Variants in FCER2 observed in about 807,000 individuals in gnomAD.
FCER2 encodes low affinity immunoglobulin epsilon Fc receptor.
Under a neutral mutation model 49.7 loss-of-function variants are expected in FCER2, and 38 were observed. The ratio of observed to expected loss-of-function variants is 0.76; its 90% CI spans 0.59 to 1.00. The LOEUF (loss-of-function observed/expected upper bound fraction) is 1.00, where lower values mean the gene tolerates loss of function less well. Ranked by LOEUF, FCER2 falls within the 50% of genes least tolerant of loss-of-function variation. The pLI is 0.00. For synonymous variants in FCER2, 163 were observed against 164.6 expected (o/e 0.99, Z 0.07); for missense variants, 425 against 419.5 (o/e 1.01, Z -0.11).
chr19:7,698,316 A>C, intron 4 of FCER2, 40 bp downstream of exon 4: 2 of 1,461,026 alleles, frequency 1.4e-6, no homozygotes, highest in Non-Finnish European at 1.9e-6. Flanking sequence ...TGGGCATCCT[A>C]ACCCTCACCC....
chr19:7,696,898 G>C lies in FCER2; in HGVS notation c.396C>G (p.Asn132Lys), dbSNP rs780944986. The C allele has an allele frequency of 6.3e-7, 1 of 1,582,984 alleles. No homozygotes were observed. Among genetic ancestry groups the C allele is most frequent in the East Asian group, 2.3e-5 (1 of 43,846 alleles). The change falls in exon 8 of 11, where the codon AAC becomes AAG. Residue 132 changes from asparagine (N) to lysine (K), a missense_variant. Coordinates refer to ENST00000597921, the MANE Select transcript of FCER2 (RefSeq NM_001220500.2). ...GTCTTTCCAGCAAATCTGAAGCTTC[G>C]TTCCTCTCGTTCAATTCTTGGGGAG... ...SFKSQELNER[N>K]EASDLLERLR...
Position 7,690,197 on chromosome 19 carries a change from C to T in FCER2, c.690G>A (p.Gly230=), listed in dbSNP as rs1042429. Residue 230 remains glycine, a synonymous_variant, in exon 10 of 11, where the codon GGG becomes GGA. Transcript: ENST00000597921. Reference sequence around the variant, plus strand: ...GGCTCCCATCCACCCAGATAAACTCCCCCTTCAGGTCCAAGTTCCGAAGGC... The same window carrying T: ...GGCTCCCATCCACCCAGATAAACTCTCCCTTCAGGTCCAAGTTCCGAAGGC... ...WIGLRNLDLK[G]EFIWVDGSHV... is the part of the protein sequence containing the mutation. 17,197 of 1,613,872 alleles carry T rather than the reference C, an allele frequency of 0.011. 127 individuals are homozygous for T. The highest frequency in any genetic ancestry group is 0.013 in the Non-Finnish European group (15,076 of 1,179,726).
chr19:7,693,564 T>C (rs1317656448), intron 8 of FCER2, among the ~76,000 whole-genome samples: 1 of 151,674 alleles, frequency 6.6e-6, no homozygotes, highest in East Asian at 2.0e-4. Context: ...CTGGGCAACA[T>C]AGCAAAAACC....
chr19:7,690,543 T>C lies in FCER2; in HGVS notation c.484A>G (p.Thr162Ala). ...AAATTGATCCACTTTTCAGGGCACG[T>C]GTTGCACACAAAGCCTGGGGTGGAG... ...LQVSSGFVCNTCPEKWINFQR... is the reference protein window; with the variant it reads ...LQVSSGFVCNACPEKWINFQR... The change falls in exon 9 of 11, where the codon ACG becomes GCG. Residue 162 changes from threonine to alanine, a missense_variant. Coordinates refer to ENST00000597921, the MANE Select transcript of FCER2 (RefSeq NM_001220500.2). The C allele has an allele frequency of 1.2e-6, 2 of 1,614,000 alleles. No individual in the cohort carries two copies. Among genetic ancestry groups the C allele is most frequent in the Non-Finnish European group, 1.7e-6 (2 of 1,179,936 alleles).
At chr19:7,696,957 AG>A (rs2033030947) in intron 7 of FCER2, 43 bp from the exon 8 acceptor site, 4 of 1,559,812 alleles carry the variant, frequency 2.6e-6, no homozygotes, top group Non-Finnish European at 3.5e-6. Flanking sequence ...ACCAACTGGC[AG>A]GCCCCCTCCT....
intron 8 of FCER2, among the ~76,000 whole-genome samples, chr19:7,694,292 G>A (rs2032960526): frequency 6.6e-6 from 1 of 152,114 alleles, no homozygotes; most frequent in African/African-American, 2.4e-5. Context: ...TTGACCCCAG[G>A]AGTTTGAGGC....
At chr19:7,699,165 A>G (rs1599442667) in intron 2 of FCER2, among the ~76,000 whole-genome samples, 2 of 151,392 alleles carry the variant, frequency 1.3e-5, no homozygotes, top group East Asian at 1.9e-4. Flanking sequence ...CTGAGCCCCA[A>G]CGCCCACCCT....
intron 8 of FCER2, among the ~76,000 whole-genome samples, chr19:7,693,454 G>T (rs1016836962): frequency 6.6e-6 from 1 of 150,530 alleles, no homozygotes; most frequent in African/African-American, 2.5e-5. Context: ...AATCTTTCTT[G>T]CTTCAAAATA....
chr19:7,689,475 A>T (rs771315020), intron 10 of FCER2, 45 bp from the exon 11 acceptor site: 2 of 1,290,280 alleles, frequency 1.6e-6, no homozygotes, highest in Non-Finnish European at 2.2e-6. Flanking sequence ...GGGGAGAAGG[A>T]GCCCAGTTCC....
At chr19:7,696,959 G>A (rs767118350) in intron 7 of FCER2, 45 bp from the exon 8 acceptor site, 3 of 1,558,038 alleles carry the variant, frequency 1.9e-6, no homozygotes, top group Middle Eastern at 1.7e-4. Context: ...CAACTGGCAG[G>A]CCCCCTCCTT....
chr19:7,699,393 C>T, intron 2 of FCER2: 1 of 1,376,152 alleles, frequency 7.3e-7, no homozygotes, highest in Non-Finnish European at 9.6e-7. Flanking sequence ...TTGGAGGATT[C>T]ATTATGCTAA....
intron 9 of FCER2, 34 bp from the exon 10 acceptor site, chr19:7,690,299 CAT>C (rs1294146367): frequency 1.2e-6 from 2 of 1,609,050 alleles, no homozygotes; most frequent in Non-Finnish European, 8.5e-7. Context: ...GGACTGGAGA[CAT>C]GTGCCCGGGG....
chr19:7,700,038 G>A, intron 1 of FCER2, 193 bp from the exon 2 acceptor site: 1 of 528,108 alleles, frequency 1.9e-6, no homozygotes, highest in Non-Finnish European at 3.4e-6. Flanking sequence ...CAGAAGTGGG[G>A]CACTCCAGAG....
intron 8 of FCER2, among the ~76,000 whole-genome samples, chr19:7,695,856 G>A (rs1393547384): frequency 6.6e-6 from 1 of 151,714 alleles, no homozygotes; most frequent in African/African-American, 2.4e-5. Flanking sequence ...GTTGGAGGCT[G>A]CAGTAAGCTA....
chr19:7,691,161 A>G (rs1364263325), intron 8 of FCER2, among the ~76,000 whole-genome samples: 1 of 152,152 alleles, frequency 6.6e-6, no homozygotes, highest in African/African-American at 2.4e-5. Flanking sequence ...CAGACACCCC[A>G]CAGGTAGAAG....
At position 7,694,990 on chromosome 19, in the gene FCER2, A is replaced by C. The variant is rs545708884; in HGVS notation, c.469+1835T>G. The stretch of plus-strand genomic sequence containing the variant: ...GATGAGACTACAGGTACACATCACC[A>C]CATCTGGCTAATTTTTTCATGTTTT... On this transcript the variant is annotated intron_variant, in intron 8 of 10. Transcript: ENST00000597921. 2.0e-5 allele frequency among the ~76,000 whole-genome samples: 3 copies of C among 152,204 alleles called. No individual in the cohort carries two copies. In the South Asian group the frequency reaches 6.2e-4, roughly 32 times the overall value.
At chr19:7,699,475 CCGTTT>C (rs1270608128) in intron 2 of FCER2, 5 of 1,364,002 alleles carry the variant, frequency 3.7e-6, no homozygotes, top group South Asian at 1.4e-5. Context: ...CTAGCTGAAG[CCGTTT>C]TTTTTTTTTT....
chr19:7,689,598 C>T, intron 10 of FCER2, among the ~76,000 whole-genome samples, 168 bp from the exon 11 acceptor site: 1 of 152,114 alleles, frequency 6.6e-6, no homozygotes, highest in East Asian at 1.9e-4. Context: ...GCCCAAGACT[C>T]ACCCTTATTT....
rs200169018 is a variant in FCER2, at chr19:7,697,240, A to C, written c.312T>G (p.Ser104=). Residue 104 remains serine, a synonymous_variant, in exon 6 of 11, where the codon TCT becomes TCG. Coordinates refer to ENST00000597921, the MANE Select transcript of FCER2 (RefSeq NM_001220500.2). ...ELRAEQQRLK[S]QDLELSWNLN... is the part of the protein sequence containing the mutation. ...ACCCCGATCCCAGTCTCTCACCCTG[A>C]GATTTCAATCTCTGCTGTTCAGCTC... 4 of 1,614,054 alleles carry C rather than the reference A, an allele frequency of 2.5e-6. No homozygotes were observed. Among genetic ancestry groups the C allele is most frequent in the Non-Finnish European group, 3.4e-6 (4 of 1,179,960 alleles).
Sources: allele counts gnomAD v4.1 joint callset (sites outside exome capture counted in the v4.1 genomes callset), GRCh38; gene constraint gnomAD v4.1.1; transcripts MANE v1.5; gene names NCBI Gene and HGNC (gene_info 2026-07-23, HGNC 2026-07-21).